Variants in ARB2A observed in about 807,000 individuals in gnomAD.
ARB2A encodes ARB2 cotranscriptional regulator A, also known as cotranscriptional regulator ARB2A.
the ARB2A span, chr5:93,824,286 T>TCA: frequency 6.5e-7 from 1 of 1,535,980 alleles, no homozygotes; most frequent in Non-Finnish European, 8.8e-7. Context: ...GAAACAAATG[T>TCA]CATATATTAC....
At chr5:93,917,254 A>C in the ARB2A span, among the ~76,000 whole-genome samples, 120 of 152,294 alleles carry the variant, frequency 7.9e-4, no homozygotes, top group Non-Finnish European at 1.6e-3. Flanking sequence ...GCTACAGTGC[A>C]GTACAGTTCA....
At chr5:93,861,363 A>G in the ARB2A span, 2 of 136,164 alleles carry the variant, frequency 1.5e-5, no homozygotes, top group Non-Finnish European at 3.0e-5. Context: ...CATTTCAGGC[A>G]TCACTTCCTC....
At chr5:93,979,949 T>C in the ARB2A span, among the ~76,000 whole-genome samples, 3 of 152,108 alleles carry the variant, frequency 2.0e-5, no homozygotes, top group Non-Finnish European at 4.4e-5. Flanking sequence ...TTTAGAGAGA[T>C]TTACCCCATC....
chr5:93,979,838 T>C, the ARB2A span, among the ~76,000 whole-genome samples: 1 of 152,090 alleles, frequency 6.6e-6, no homozygotes, highest in Admixed American at 6.6e-5. Context: ...AAGTGATATA[T>C]TCTGGTTCTA....
the ARB2A span, among the ~76,000 whole-genome samples, chr5:93,983,939 G>C: frequency 6.6e-6 from 1 of 152,130 alleles, no homozygotes; most frequent in Non-Finnish European, 1.5e-5. Context: ...AGTTGTTAAA[G>C]AATAAAGAGA....
the ARB2A span, among the ~76,000 whole-genome samples, chr5:94,031,431 A>T: frequency 6.6e-6 from 1 of 152,198 alleles, no homozygotes; most frequent in Admixed American, 6.5e-5. Flanking sequence ...CCTAGGACTT[A>T]ATAGAGGGCC....
the ARB2A span, among the ~76,000 whole-genome samples, chr5:93,819,078 C>CAGGA: frequency 6.8e-6 from 1 of 147,492 alleles, no homozygotes; most frequent in African/African-American, 2.5e-5. Context: ...CCCAGCTACA[C>CAGGA]AGGAGGCTGA....
the ARB2A span, among the ~76,000 whole-genome samples, chr5:93,857,480 T>C: frequency 1.3e-5 from 2 of 152,270 alleles, no homozygotes; most frequent in South Asian, 2.1e-4. Context: ...TAAGCAAGCC[T>C]GGGCAATGGT....
the ARB2A span, among the ~76,000 whole-genome samples, chr5:93,894,692 C>T: frequency 6.6e-6 from 1 of 152,128 alleles, no homozygotes; most frequent in East Asian, 1.9e-4. Flanking sequence ...CATCGCAGAT[C>T]AGCATCTGCA....
At chr5:93,797,543 T>A in the ARB2A span, among the ~76,000 whole-genome samples, 2 of 152,112 alleles carry the variant, frequency 1.3e-5, no homozygotes, top group Admixed American at 6.6e-5. Context: ...TTCTATAAAA[T>A]GGCAAATATA....
At chr5:94,055,810 C>T in the ARB2A span, 1 of 985,422 alleles carries the variant, frequency 1.0e-6, no homozygotes, top group Non-Finnish European at 1.2e-6. Flanking sequence ...ATCTACAATT[C>T]AAAACTTACA....
the ARB2A span, among the ~76,000 whole-genome samples, chr5:93,761,833 G>A: frequency 2.6e-5 from 4 of 152,144 alleles, no homozygotes; most frequent in Non-Finnish European, 4.4e-5. Flanking sequence ...CACCTCACAC[G>A]GCCAGGTACT....
the ARB2A span, among the ~76,000 whole-genome samples, chr5:93,993,314 T>A: frequency 6.6e-6 from 1 of 152,124 alleles, no homozygotes; most frequent in Non-Finnish European, 1.5e-5. Flanking sequence ...TATCTCAGCA[T>A]GTTTCCAACT....
chr5:93,989,115 C>T, the ARB2A span, among the ~76,000 whole-genome samples: 9 of 152,110 alleles, frequency 5.9e-5, no homozygotes, highest in African/African-American at 2.2e-4. Context: ...TAACCAGACA[C>T]TCTTAATTTG....
the ARB2A span, chr5:93,738,107 AG>A: frequency 4.7e-6 from 1 of 211,718 alleles, no homozygotes; most frequent in South Asian, 5.7e-5. Flanking sequence ...TATGAAGAAA[AG>A]ACAAACAACC....
the ARB2A span, among the ~76,000 whole-genome samples, chr5:93,752,894 A>G: frequency 6.6e-6 from 1 of 152,198 alleles, no homozygotes; most frequent in East Asian, 1.9e-4. Context: ...GCATACAACA[A>G]TGAATAGAGG....
the ARB2A span, among the ~76,000 whole-genome samples, chr5:93,797,031 T>A: frequency 6.6e-6 from 1 of 152,148 alleles, no homozygotes; most frequent in Non-Finnish European, 1.5e-5. Flanking sequence ...AGAGCACTTC[T>A]GAGTTGATAT....
chr5:93,883,545 G>C, the ARB2A span, among the ~76,000 whole-genome samples: 1 of 151,604 alleles, frequency 6.6e-6, no homozygotes, highest in Non-Finnish European at 1.5e-5. Flanking sequence ...CAGGTAGACA[G>C]ATTGTCACTT....
chr5:93,757,822 CA>C, the ARB2A span, among the ~76,000 whole-genome samples: 2 of 151,846 alleles, frequency 1.3e-5, no homozygotes, highest in Non-Finnish European at 2.9e-5. Context: ...AGTTAAAAAG[CA>C]AAATCAAAAA....
Sources: gnomAD v4.1 joint callset for allele counts (sites outside exome capture counted in the v4.1 genomes callset) on GRCh38, gnomAD v4.1.1 for gene constraint, MANE v1.5 for transcripts, NCBI Gene and HGNC (gene_info 2026-07-23, HGNC 2026-07-21) for gene names.